KATNAL1: variants seen among roughly 807,000 people sequenced by gnomAD.
KATNAL1 encodes katanin p60 ATPase-containing subunit A-like 1.
KATNAL1 carries 32 observed loss-of-function variants against 55.2 expected under a neutral mutation model. That is an observed-to-expected ratio of 0.58 (90% CI 0.44 to 0.78). The LOEUF is 0.78. Ranked by LOEUF, KATNAL1 falls within the 30% of genes least tolerant of loss-of-function variation. The pLI is 0.00. For synonymous variants in KATNAL1, 193 were observed against 193.6 expected, an observed-to-expected ratio of 1.00 and a Z score of 0.02; for missense variants, 466 against 600.9, an observed-to-expected ratio of 0.78 and a Z score of 2.35.
intron 9 of KATNAL1, among the ~76,000 whole-genome samples, chr13:30,226,593 G>A (rs1566091970): frequency 6.6e-6 from 1 of 152,176 alleles, no homozygotes; most frequent in Admixed American, 6.5e-5. Context: ...TTAGCTGGTA[G>A]GGGCACACAG....
intron 6 of KATNAL1, among the ~76,000 whole-genome samples, chr13:30,237,620 T>C (rs1408711254): frequency 6.6e-6 from 1 of 152,234 alleles, no homozygotes; most frequent in Non-Finnish European, 1.5e-5. Flanking sequence ...AGATAACGTA[T>C]TTTTGAAAAG....
At chr13:30,240,650 C>T (rs3803272) in intron 5 of KATNAL1, 85 bp from the exon 6 acceptor site, 85,966 of 909,856 alleles carry the variant, frequency 0.094, 6,020 homozygotes, top group East Asian at 0.36. Flanking sequence ...TTTTTTTTTA[C>T]TTATGAAATT....
chr13:30,249,427 A>G (rs1374814640), intron 4 of KATNAL1, among the ~76,000 whole-genome samples: 1 of 152,180 alleles, frequency 6.6e-6, no homozygotes, highest in African/African-American at 2.4e-5. Flanking sequence ...TCATGCATAT[A>G]TATGTCAAAG....
At chr13:30,273,710 A>G (rs1472834646) in intron 3 of KATNAL1, among the ~76,000 whole-genome samples, 1 of 152,220 alleles carries the variant, frequency 6.6e-6, no homozygotes, top group African/African-American at 2.4e-5. Flanking sequence ...TATAATCTCA[A>G]TCTGCCAATA....
intron 9 of KATNAL1, among the ~76,000 whole-genome samples, chr13:30,224,668 TAGAA>T (rs1875261059): frequency 6.6e-6 from 1 of 151,212 alleles, no homozygotes; most frequent in Non-Finnish European, 1.5e-5. Context: ...ATCATTGAAA[TAGAA>T]AGTAGAAAAT....
intron 6 of KATNAL1, among the ~76,000 whole-genome samples, chr13:30,238,060 C>A (rs1224988716): frequency 6.6e-6 from 1 of 152,158 alleles, no homozygotes; most frequent in Non-Finnish European, 1.5e-5. Flanking sequence ...TGCCTCCCGT[C>A]TTTCTGTGCT....
At chr13:30,302,887 A>G (rs1165812238) in intron 1 of KATNAL1, among the ~76,000 whole-genome samples, 3 of 152,216 alleles carry the variant, frequency 2.0e-5, no homozygotes, top group African/African-American at 4.8e-5. Context: ...TGTCCACAAA[A>G]TAACCATTCT....
chr13:30,280,249 G>T, intron 2 of KATNAL1, 26 bp from the exon 3 acceptor site: 1 of 1,538,850 alleles, frequency 6.5e-7, no homozygotes, highest in East Asian at 2.3e-5. Flanking sequence ...TAGGCTTTAT[G>T]CTAGAAGCTG....
chr13:30,251,136 C>T (rs61946934), intron 4 of KATNAL1, among the ~76,000 whole-genome samples: 15,521 of 123,506 alleles, frequency 0.13, 1,085 homozygotes, highest in Non-Finnish European at 0.18. Context: ...CAAGACTCTG[C>T]CTCAAAAAAA....
chr13:30,210,260 G>A, intron 10 of KATNAL1, 56 bp downstream of exon 10: 1 of 1,463,406 alleles, frequency 6.8e-7, no homozygotes, highest in Non-Finnish European at 9.1e-7. Context: ...TTTAAGACCA[G>A]TCCTCCTGCG....
intron 3 of KATNAL1, among the ~76,000 whole-genome samples, chr13:30,258,034 G>C (rs921042345): frequency 2.0e-5 from 3 of 152,142 alleles, no homozygotes; most frequent in Non-Finnish European, 4.4e-5. Flanking sequence ...AAGGTCTCAA[G>C]GCTTCTTTTA....
chr13:30,245,782 G>A (rs1428269051), intron 4 of KATNAL1, among the ~76,000 whole-genome samples: 1 of 152,116 alleles, frequency 6.6e-6, no homozygotes, highest in Non-Finnish European at 1.5e-5. Flanking sequence ...AATCATGAGT[G>A]AACTTCCATT....
At chr13:30,227,055 A>G (rs1027299835) in intron 9 of KATNAL1, among the ~76,000 whole-genome samples, 1 of 152,058 alleles carries the variant, frequency 6.6e-6, no homozygotes, top group African/African-American at 2.4e-5. Flanking sequence ...CAGCCTGGGC[A>G]ACAGAATAAG....
At chr13:30,256,478 G>A (rs559534699) in intron 3 of KATNAL1, among the ~76,000 whole-genome samples, 6 of 152,136 alleles carry the variant, frequency 3.9e-5, no homozygotes, top group African/African-American at 1.2e-4. Context: ...AGCTATGTAT[G>A]TATCTGTAGC....
intron 9 of KATNAL1, among the ~76,000 whole-genome samples, chr13:30,221,983 G>A (rs552093160): frequency 3.6e-4 from 55 of 152,206 alleles, no homozygotes; most frequent in Non-Finnish European, 5.1e-4. Flanking sequence ...CCCAGGAGGC[G>A]GAGGTTGCAG....
chr13:30,298,833 C>A (rs1367214003), intron 1 of KATNAL1, among the ~76,000 whole-genome samples: 1 of 151,934 alleles, frequency 6.6e-6, no homozygotes, highest in Non-Finnish European at 1.5e-5. Flanking sequence ...TTAAGAAATG[C>A]AACAGAGTAG....
At position 30,294,502 on chromosome 13, in the gene KATNAL1, G is replaced by A. The variant is rs56948537; in HGVS notation, c.-14-10711C>T. On this transcript the variant is annotated intron_variant, in intron 1 of 10. Transcript: ENST00000380615. ...GGCTGAAAGAGGTGAGGATGCTGCA[G>A]AAGTATGAAGCAAGTAGAGACTGGT... Among the ~76,000 whole-genome samples the A allele has an allele frequency of 1.1e-3, 172 of 152,312 alleles. 1 individual carries two copies. The highest frequency in any genetic ancestry group is 3.8e-3 in the African/African-American group (159 of 41,548).
chr13:30,241,681 C>A (rs1877294578), intron 4 of KATNAL1, among the ~76,000 whole-genome samples: 1 of 152,088 alleles, frequency 6.6e-6, no homozygotes, highest in Non-Finnish European at 1.5e-5. Context: ...CCAGTTACTG[C>A]CTAGAGTAAA....
intron 3 of KATNAL1, among the ~76,000 whole-genome samples, chr13:30,258,199 G>T (rs1029641311): frequency 1.3e-5 from 2 of 152,206 alleles, no homozygotes; most frequent in African/African-American, 4.8e-5. Flanking sequence ...AAATATCTGT[G>T]CTGTGTTCAA....
Sources: allele counts gnomAD v4.1 joint callset (sites outside exome capture counted in the v4.1 genomes callset), GRCh38; gene constraint gnomAD v4.1.1; transcripts MANE v1.5; gene names NCBI Gene and HGNC (gene_info 2026-07-23, HGNC 2026-07-21).